ACSM1: variants seen among roughly 807,000 people sequenced by gnomAD.
ACSM1 encodes the protein acyl-coenzyme A synthetase ACSM1, mitochondrial.
A neutral mutation model predicts 75.8 loss-of-function variants in ACSM1; 79 were observed. The ratio of observed to expected loss-of-function variants is 1.04; its 90% CI spans 0.87 to 1.26. ACSM1 has a LOEUF of 1.26. Ranked by LOEUF, ACSM1 falls within the 50% of genes most tolerant of loss-of-function variation. ACSM1 has a pLI of 0.00. For missense variants in ACSM1, 676 were observed against 720.1 expected (o/e 0.94, Z 0.70); for synonymous variants, 279 against 265.8 (o/e 1.05, Z -0.48).
At chr16:20,673,163 C>T (rs935544861) in intron 4 of ACSM1, among the ~76,000 whole-genome samples, 5 of 150,582 alleles carry the variant, frequency 3.3e-5, no homozygotes, top group African/African-American at 9.7e-5. Context: ...TCTGCCCTAG[C>T]ATGAGCTTGA....
chr16:20,696,126 A>G (rs1048781698), intron 1 of ACSM1, among the ~76,000 whole-genome samples: 1 of 152,248 alleles, frequency 6.6e-6, no homozygotes, highest in African/African-American at 2.4e-5. Context: ...GCTATAGCAT[A>G]TCGCCTATAT....
rs1009857225 is a variant in ACSM1 at position 20,685,045 on chromosome 16, GCCTTGCTTTGTGGTCC to G, written c.403+132_403+147del. 268 of 738,548 alleles carry G rather than the reference GCCTTGCTTTGTGGTCC, an allele frequency of 3.6e-4. 3 individuals carry two copies. Among genetic ancestry groups the G allele is most frequent in the Middle Eastern group, 7.6e-4 (2 of 2,640 alleles). The allele number at this position is 738,548 out of a possible 1,614,324, so 45.7% of individuals were successfully genotyped here. Reference sequence around the variant, plus strand: ...ACTGATAATTCCCACAGGGCAGGAAGCCTTGCTTTGTGGTCCCAGCACAGAAACTGGGGCGAAGGCT... The same window carrying G: ...ACTGATAATTCCCACAGGGCAGGAAGCAGCACAGAAACTGGGGCGAAGGCT... On this transcript the variant is annotated intron_variant, in intron 3 of 13. Transcript: ENST00000520010.
chr16:20,650,924 A>AT, intron 7 of ACSM1, among the ~76,000 whole-genome samples: 4 of 152,318 alleles, frequency 2.6e-5, no homozygotes, highest in Admixed American at 2.6e-4. Context: ...TTCTACTGAG[A>AT]TAAAAACCAC....
At chr16:20,669,263 A>G (rs979784204) in intron 6 of ACSM1, among the ~76,000 whole-genome samples, 1 of 152,122 alleles carries the variant, frequency 6.6e-6, no homozygotes, top group Non-Finnish European at 1.5e-5. Flanking sequence ...CTATCATCTC[A>G]TTAATATTAC....
intron 7 of ACSM1, among the ~76,000 whole-genome samples, chr16:20,642,819 T>G (rs566063828): frequency 6.6e-6 from 1 of 152,334 alleles, no homozygotes; most frequent in South Asian, 2.1e-4. Context: ...CCACTGTGTT[T>G]CCAAAATCCA....
intron 4 of ACSM1, chr16:20,674,105 G>A (rs2020122430): frequency 2.2e-6 from 1 of 450,004 alleles, no homozygotes; most frequent in African/African-American, 2.0e-5. Flanking sequence ...TTCTACCTGT[G>A]GAACAGGAAT....
intron 6 of ACSM1, among the ~76,000 whole-genome samples, chr16:20,668,892 G>A (rs2019720855): frequency 6.6e-6 from 1 of 152,142 alleles, no homozygotes; most frequent in Non-Finnish European, 1.5e-5. Flanking sequence ...TACGGACTGA[G>A]GGTGTAAAAC....
chr16:20,642,656 T>C (rs2018131486), intron 7 of ACSM1, among the ~76,000 whole-genome samples: 1 of 152,254 alleles, frequency 6.6e-6, no homozygotes, highest in Admixed American at 6.5e-5. Flanking sequence ...CCTTGACTCC[T>C]TGGCCAGGGC....
At chr16:20,691,751 A>ATG (rs59929923) in intron 1 of ACSM1, among the ~76,000 whole-genome samples, 11,531 of 133,310 alleles carry the variant, frequency 0.086, 508 homozygotes, top group East Asian at 0.16. Flanking sequence ...TACCTCTCCA[A>ATG]TGTGTGTGTG....
At chr16:20,646,067 G>GT (rs2018342456) in intron 7 of ACSM1, among the ~76,000 whole-genome samples, 1 of 151,462 alleles carries the variant, frequency 6.6e-6, no homozygotes, top group East Asian at 2.0e-4. Flanking sequence ...GGCAACCTCA[G>GT]TTTTTTATAA....
intron 1 of ACSM1, among the ~76,000 whole-genome samples, chr16:20,694,825 G>T (rs1447048399): frequency 6.6e-6 from 1 of 151,980 alleles, no homozygotes; most frequent in East Asian, 1.9e-4. Context: ...TATTAGGGTG[G>T]GCCCTAATCC....
intron 7 of ACSM1, among the ~76,000 whole-genome samples, chr16:20,646,812 C>T (rs556111891): frequency 6.6e-6 from 1 of 152,290 alleles, no homozygotes; most frequent in East Asian, 1.9e-4. Context: ...AAGGGAATTC[C>T]TAACTTCTGA....
At chr16:20,667,603 T>C (rs2019644292) in intron 6 of ACSM1, among the ~76,000 whole-genome samples, 1 of 152,148 alleles carries the variant, frequency 6.6e-6, no homozygotes, top group Admixed American at 6.6e-5. Context: ...TGAAAATTCC[T>C]CAACAAACTT....
At chr16:20,628,964 G>A (rs564337644) in intron 10 of ACSM1, among the ~76,000 whole-genome samples, 16 of 152,072 alleles carry the variant, frequency 1.1e-4, no homozygotes, top group East Asian at 3.9e-4. Context: ...AGAGCTACCC[G>A]AAAAAAACAT....
intron 7 of ACSM1, among the ~76,000 whole-genome samples, chr16:20,642,936 G>A (rs918741455): frequency 6.6e-6 from 1 of 152,154 alleles, no homozygotes; most frequent in Non-Finnish European, 1.5e-5. Context: ...ATAATTGAAG[G>A]TATTCTCCAT....
chr16:20,686,978 A>AT (rs34041438), intron 2 of ACSM1, among the ~76,000 whole-genome samples: 24,027 of 135,864 alleles, frequency 0.18, 2,398 homozygotes, highest in East Asian at 0.4. Flanking sequence ...AAATTTTGTG[A>AT]TTTTTTTTTT....
intron 10 of ACSM1, among the ~76,000 whole-genome samples, chr16:20,628,257 C>T (rs563482450): frequency 6.6e-6 from 1 of 152,192 alleles, no homozygotes; most frequent in African/African-American, 2.4e-5. Context: ...AGGCAGAATA[C>T]TGACCTTGAT....
chr16:20,640,415 A>C, intron 8 of ACSM1, 46 bp downstream of exon 8: 1 of 1,609,528 alleles, frequency 6.2e-7, no homozygotes, highest in Non-Finnish European at 8.5e-7. Context: ...AATCTTTTAA[A>C]TTAATTGAGA....
At chr16:20,672,471 AATATATATATAT>A (rs1392857890) in intron 4 of ACSM1, among the ~76,000 whole-genome samples, 1 of 64,562 alleles carries the variant, frequency 1.5e-5, no homozygotes, top group South Asian at 5.6e-4. Flanking sequence ...AAAAAAAAAA[AATATATATATAT>A]ATATATATAT....
Sources: gnomAD v4.1 joint callset for allele counts (sites outside exome capture counted in the v4.1 genomes callset) on GRCh38, gnomAD v4.1.1 for gene constraint, MANE v1.5 for transcripts, NCBI Gene and HGNC (gene_info 2026-07-23, HGNC 2026-07-21) for gene names.